The following NRG3 variants were observed in gnomAD, a reference collection of about 807,000 sequenced individuals.
The protein encoded by NRG3 is neuregulin 3.
NRG3 carries 31 observed loss-of-function variants against 66.9 expected under a neutral mutation model. That is an observed-to-expected ratio of 0.46 (90% confidence interval 0.35 to 0.63). The LOEUF (loss-of-function observed/expected upper bound fraction) is 0.63, where lower values mean the gene tolerates loss of function less well. NRG3 is among the 20% of genes least tolerant of loss of function. The pLI is 0.00. For synonymous variants in NRG3, 393 were observed against 359.4 expected, an observed-to-expected ratio of 1.09 and a Z score of -1.06; for missense variants, 910 against 878.9, an observed-to-expected ratio of 1.04 and a Z score of -0.45.
intron 2 of NRG3, among the ~76,000 whole-genome samples, chr10:82,666,244 C>A (rs2052769966): frequency 6.6e-6 from 1 of 152,132 alleles, no homozygotes; most frequent in Non-Finnish European, 1.5e-5. Context: ...GTATTCTCTC[C>A]CTTGGTGCTA....
intron 3 of NRG3, among the ~76,000 whole-genome samples, chr10:82,743,331 T>C (rs927029306): frequency 2.0e-5 from 3 of 152,062 alleles, no homozygotes; most frequent in Admixed American, 2.0e-4. Flanking sequence ...CAGGCTCTGT[T>C]CTCAAAGCAC....
At chr10:82,798,844 C>T (rs1460329247) in intron 3 of NRG3, among the ~76,000 whole-genome samples, 1 of 152,138 alleles carries the variant, frequency 6.6e-6, no homozygotes, top group African/African-American at 2.4e-5. Context: ...TTGATTTTTA[C>T]TCACATTTCC....
chr10:82,240,141 T>G (rs972504423), intron 1 of NRG3, among the ~76,000 whole-genome samples: 2 of 152,114 alleles, frequency 1.3e-5, no homozygotes, highest in African/African-American at 4.8e-5. Context: ...GACATAGGAT[T>G]TTACATTGAA....
intron 2 of NRG3, among the ~76,000 whole-genome samples, chr10:82,728,612 G>T (rs2134613148): frequency 6.6e-6 from 1 of 152,206 alleles, no homozygotes; most frequent in South Asian, 2.1e-4. Context: ...TATCAGCAGG[G>T]TGAAAACAGA....
At chr10:82,764,254 C>T (rs1245787617) in intron 3 of NRG3, among the ~76,000 whole-genome samples, 3 of 152,042 alleles carry the variant, frequency 2.0e-5, no homozygotes, top group Non-Finnish European at 2.9e-5. Context: ...AGGCTGGTCT[C>T]GAACTCGTAG....
At chr10:82,883,581 T>C (rs568351916) in intron 4 of NRG3, among the ~76,000 whole-genome samples, 2 of 152,300 alleles carry the variant, frequency 1.3e-5, no homozygotes, top group South Asian at 2.1e-4. Context: ...CCTAGTCAAC[T>C]TATATTTGTT....
At chr10:82,113,692 G>A (rs1178520226) in intron 1 of NRG3, among the ~76,000 whole-genome samples, 1 of 152,114 alleles carries the variant, frequency 6.6e-6, no homozygotes, top group Non-Finnish European at 1.5e-5. Context: ...TCATAGTGGT[G>A]AACCAATGTA....
At chr10:82,426,601 ATTATT>A (rs1459353472) in intron 2 of NRG3, among the ~76,000 whole-genome samples, 4 of 4,112 alleles carry the variant, frequency 9.7e-4, no homozygotes, top group African/African-American at 4.6e-3. Flanking sequence ...CAATGGAATT[ATTATT>A]ATTATTATTA....
chr10:82,061,842 T>TTCTCTCTCTCTCTCTCTCTCTC (rs72439199), intron 1 of NRG3, among the ~76,000 whole-genome samples: 2 of 146,824 alleles, frequency 1.4e-5, no homozygotes, highest in African/African-American at 5.1e-5. Flanking sequence ...CAGTGTCCCT[T>TTCTCTCTCTCTCTCTCTCTCTC]TCTCTCTCTC....
At chr10:81,963,607 T>C (rs553642938) in intron 1 of NRG3, among the ~76,000 whole-genome samples, 2 of 152,316 alleles carry the variant, frequency 1.3e-5, no homozygotes, top group East Asian at 1.9e-4. Flanking sequence ...TTGAGTCAAG[T>C]CAGGTGAGTT....
chr10:82,509,275 T>C (rs910855506), intron 2 of NRG3, among the ~76,000 whole-genome samples: 6 of 152,200 alleles, frequency 3.9e-5, no homozygotes, highest in African/African-American at 1.4e-4. Flanking sequence ...AGGTTTGTTA[T>C]GTAGGTAGAC....
chr10:82,985,977 G>A lies in NRG3; in HGVS notation c.*372G>A, dbSNP rs1853407195. On this transcript the variant is annotated 3_prime_UTR_variant, in exon 9 of 9. Transcript: ENST00000372141. ...AAAAGAGGAGAGCTGCATCCCGCAGGTGGATGCACCAGTGAGCAGGTGGCT... is the reference window on the plus strand; with the variant it reads ...AAAAGAGGAGAGCTGCATCCCGCAGATGGATGCACCAGTGAGCAGGTGGCT... 1 of 181,958 alleles carries A rather than the reference G, an allele frequency of 5.5e-6. No homozygotes were observed. The highest frequency in any genetic ancestry group is 5.5e-5 in the Admixed American group (1 of 18,286). 11.3% of individuals were successfully genotyped at this position (181,958 alleles called of 1,614,324 possible). A position where few individuals can be genotyped will look rare whatever the true frequency, so the allele number is the denominator to read the frequency against.
intron 1 of NRG3, chr10:82,340,667 A>G (rs2082638736): frequency 6.6e-6 from 1 of 152,166 alleles, no homozygotes; most frequent in African/African-American, 2.4e-5. Flanking sequence ...AAGTAATAGA[A>G]ATTCCCTGAG....
rs76811554 is a variant in NRG3, at chr10:82,046,530, G to T, written c.823+170367G>T. 0.054 allele frequency among the ~76,000 whole-genome samples: 1,113 copies of T among 20,668 alleles called. 229 individuals carry two copies. The Middle Eastern group carries it at 0.56, about 10-fold the overall frequency. 13.6% of individuals were successfully genotyped at this position (20,668 alleles called of 152,430 possible). A position where few individuals can be genotyped will look rare whatever the true frequency, so the allele number is the denominator to read the frequency against. ...CATCTGCAAACAGGGACAATTTGAC[G>T]TCCTCTTTTCCTAATTGAATACCCT... is the stretch of plus-strand genomic sequence containing the variant. On this transcript the variant is annotated intron_variant, in intron 1 of 8. Transcript: ENST00000372141.
intron 1 of NRG3, among the ~76,000 whole-genome samples, chr10:82,300,020 G>A (rs145952817): frequency 8.5e-5 from 13 of 152,114 alleles, no homozygotes; most frequent in African/African-American, 2.2e-4. Flanking sequence ...AGGAGTACAC[G>A]TGTACACGCA....
intron 2 of NRG3, among the ~76,000 whole-genome samples, chr10:82,720,156 G>A (rs991256918): frequency 3.3e-5 from 5 of 152,164 alleles, no homozygotes; most frequent in Non-Finnish European, 7.3e-5. Context: ...TCGGGAGGCC[G>A]AGGTGGGCTG....
At chr10:82,859,390 A>G (rs1389700357) in intron 3 of NRG3, among the ~76,000 whole-genome samples, 2 of 152,172 alleles carry the variant, frequency 1.3e-5, no homozygotes, top group Non-Finnish European at 2.9e-5. Flanking sequence ...CACAGGGCTG[A>G]TGCTTAAACC....
At chr10:82,351,189 C>G (rs1353385020) in intron 1 of NRG3, among the ~76,000 whole-genome samples, 1 of 152,150 alleles carries the variant, frequency 6.6e-6, no homozygotes, top group Non-Finnish European at 1.5e-5. Flanking sequence ...CCACTCGCAC[C>G]CGGCCGTGTT....
chr10:81,909,667 T>A (rs1285090524), intron 1 of NRG3, among the ~76,000 whole-genome samples: 1 of 152,086 alleles, frequency 6.6e-6, no homozygotes, highest in Non-Finnish European at 1.5e-5. Context: ...CTTTGAGAAG[T>A]AAGGGGAGGC....
Sources: allele counts gnomAD v4.1 joint callset (sites outside exome capture counted in the v4.1 genomes callset), GRCh38; gene constraint gnomAD v4.1.1; transcripts MANE v1.5; gene names NCBI Gene and HGNC (gene_info 2026-07-23, HGNC 2026-07-21).